CDH13: variants seen among roughly 807,000 people sequenced by gnomAD.
CDH13 encodes cadherin-13.
A neutral mutation model predicts 63.8 loss-of-function variants in CDH13; 24 were observed. That is an observed-to-expected ratio of 0.38 (90% CI 0.27 to 0.53). The LOEUF (loss-of-function observed/expected upper bound fraction) is 0.53. Ranked by LOEUF, CDH13 falls within the 20% of genes least tolerant of loss-of-function variation. The pLI, the probability that CDH13 is intolerant of heterozygous loss-of-function variation, is 0.85. For synonymous variants in CDH13, 503 were observed against 355.3 expected, an observed-to-expected ratio of 1.42 and a Z score of -4.67; for missense variants, 1,049 against 903.1, an observed-to-expected ratio of 1.16 and a Z score of -2.07.
chr16:82,809,200 A>G (rs1235530254), intron 1 of CDH13, among the ~76,000 whole-genome samples: 1 of 152,068 alleles, frequency 6.6e-6, no homozygotes. Flanking sequence ...TACTGTCACC[A>G]GTGTTTCGTG....
At chr16:83,490,691 T>C (rs1327931830) in intron 7 of CDH13, among the ~76,000 whole-genome samples, 2 of 152,154 alleles carry the variant, frequency 1.3e-5, no homozygotes. Context: ...CAAAGAAATA[T>C]CTGTTGAGAG....
At chr16:82,718,373 C>T (rs2032530801) in intron 1 of CDH13, among the ~76,000 whole-genome samples, 1 of 152,254 alleles carries the variant, frequency 6.6e-6, no homozygotes, top group South Asian at 2.1e-4. Context: ...ATGGGATTCA[C>T]CGCTGACAGC....
chr16:82,791,187 A>C (rs2036279300), intron 1 of CDH13, among the ~76,000 whole-genome samples: 2 of 151,120 alleles, frequency 1.3e-5, no homozygotes, highest in South Asian at 4.2e-4. Flanking sequence ...CCGTGAGCAG[A>C]GATCACGCCA....
At chr16:82,757,661 T>C (rs201680847) in intron 1 of CDH13, among the ~76,000 whole-genome samples, 3 of 103,328 alleles carry the variant, frequency 2.9e-5, no homozygotes, top group Non-Finnish European at 7.1e-5. Flanking sequence ...TTTTTTTTTT[T>C]GGGGACAGAG....
At chr16:82,666,741 A>G (rs1352833661) in intron 1 of CDH13, among the ~76,000 whole-genome samples, 1 of 152,188 alleles carries the variant, frequency 6.6e-6, no homozygotes, top group Non-Finnish European at 1.5e-5. Flanking sequence ...ACCCATTTTT[A>G]GAAATGTTAA....
chr16:83,078,664 G>T (rs1164582489), intron 3 of CDH13, among the ~76,000 whole-genome samples: 1 of 152,242 alleles, frequency 6.6e-6, no homozygotes, highest in Non-Finnish European at 1.5e-5. Flanking sequence ...TTTTCAGTCA[G>T]AATGTAGTTT....
intron 5 of CDH13, among the ~76,000 whole-genome samples, chr16:83,292,218 T>C (rs2089482626): frequency 1.3e-5 from 2 of 152,198 alleles, no homozygotes; most frequent in African/African-American, 4.8e-5. Context: ...TAATACACAG[T>C]TGTAATCACA....
At chr16:82,682,547 A>C (rs906601201) in intron 1 of CDH13, among the ~76,000 whole-genome samples, 1 of 152,222 alleles carries the variant, frequency 6.6e-6, no homozygotes, top group Non-Finnish European at 1.5e-5. Flanking sequence ...CCAAGTATGA[A>C]AGTTAATTTC....
At chr16:83,766,539 A>G (rs1914399656) in intron 11 of CDH13, among the ~76,000 whole-genome samples, 1 of 152,142 alleles carries the variant, frequency 6.6e-6, no homozygotes, top group Non-Finnish European at 1.5e-5. Flanking sequence ...TCCAAATAAA[A>G]CCACTTGTAC....
chr16:83,758,841 A>G (rs913417987), intron 11 of CDH13, among the ~76,000 whole-genome samples: 38 of 152,260 alleles, frequency 2.5e-4, no homozygotes, highest in Non-Finnish European at 1.2e-4. Context: ...GTCCTCTACA[A>G]TGAAAACTAC....
intron 3 of CDH13, among the ~76,000 whole-genome samples, chr16:83,087,631 G>T (rs2033671466): frequency 1.7e-5 from 2 of 119,178 alleles, no homozygotes; most frequent in South Asian, 5.8e-4. Flanking sequence ...CCGTGTCATT[G>T]CACTCCAGCC....
intron 1 of CDH13, among the ~76,000 whole-genome samples, chr16:82,747,776 T>C (rs950486505): frequency 2.6e-5 from 4 of 152,238 alleles, no homozygotes; most frequent in African/African-American, 7.2e-5. Flanking sequence ...TTGTGAAGTA[T>C]GTCAACTCTT....
At chr16:82,693,984 G>T (rs539779686) in intron 1 of CDH13, among the ~76,000 whole-genome samples, 1 of 152,254 alleles carries the variant, frequency 6.6e-6, no homozygotes, top group South Asian at 2.1e-4. Flanking sequence ...CTGCGTACAT[G>T]GTCCTGGGCA....
At chr16:83,373,770 C>T (rs187756672) in intron 6 of CDH13, among the ~76,000 whole-genome samples, 1 of 152,298 alleles carries the variant, frequency 6.6e-6, no homozygotes, top group Non-Finnish European at 1.5e-5. Flanking sequence ...AAATACTTCA[C>T]CTCCTTGAGA....
chr16:82,681,776 C>G (rs143330730), intron 1 of CDH13, among the ~76,000 whole-genome samples: 309 of 152,342 alleles, frequency 2.0e-3, no homozygotes, highest in African/African-American at 6.8e-3. Context: ...CAGAGAATTA[C>G]CAGGTCCCAG....
intron 5 of CDH13, among the ~76,000 whole-genome samples, chr16:83,279,933 T>C (rs2089113281): frequency 2.6e-5 from 4 of 152,080 alleles, no homozygotes; most frequent in African/African-American, 7.2e-5. Context: ...GTCTGAAAAA[T>C]GTACATACCT....
At chr16:83,170,592 A>G (rs1407787480) in intron 4 of CDH13, among the ~76,000 whole-genome samples, 1 of 152,158 alleles carries the variant, frequency 6.6e-6, no homozygotes, top group Non-Finnish European at 1.5e-5. Context: ...GGAAGTTTGA[A>G]CACAATTCTT....
chr16:83,741,538 GC>G (rs968002252), intron 10 of CDH13, among the ~76,000 whole-genome samples: 1 of 151,140 alleles, frequency 6.6e-6, no homozygotes, highest in Non-Finnish European at 1.5e-5. Context: ...GTATATATAT[GC>G]CATATATAGA....
At chr16:82,904,494 G>A (rs2041577935) in intron 2 of CDH13, among the ~76,000 whole-genome samples, 1 of 152,126 alleles carries the variant, frequency 6.6e-6, no homozygotes, top group Admixed American at 6.5e-5. Flanking sequence ...AAATTGAGAC[G>A]GGGGAAAACT....
Sources: gnomAD v4.1 joint callset for allele counts (sites outside exome capture counted in the v4.1 genomes callset) on GRCh38, gnomAD v4.1.1 for gene constraint, MANE v1.5 for transcripts, NCBI Gene and HGNC (gene_info 2026-07-23, HGNC 2026-07-21) for gene names.